AMZ1: variants seen among roughly 807,000 people sequenced by gnomAD.
AMZ1 encodes archaelysin family metallopeptidase 1, also known as archaemetzincin-1.
Under a neutral mutation model 29.9 loss-of-function variants are expected in AMZ1, and 39 were observed. The observed-to-expected ratio is 1.30, with a 90% CI of 1.01 to 1.70. The LOEUF (loss-of-function observed/expected upper bound fraction) is 1.70, where lower values mean the gene tolerates loss of function less well. Ranked by LOEUF, AMZ1 falls within the 40% of genes most tolerant of loss-of-function variation. AMZ1 has a pLI of 0.00. For missense variants in AMZ1, 1,041 were observed against 680.6 expected (o/e 1.53, Z -5.89); for synonymous variants, 458 against 304.0 (o/e 1.51, Z -5.27).
intron 4 of AMZ1, among the ~76,000 whole-genome samples, chr7:2,727,270 T>TG (rs1382819547): frequency 2.0e-5 from 3 of 152,074 alleles, no homozygotes; most frequent in Non-Finnish European, 2.9e-5. Flanking sequence ...TTAGTAGAGT[T>TG]GGGGTTTCAC....
rs1323780552 is a variant in AMZ1, at chr7:2,708,616, C to T, written c.501C>T (p.Asn167=). The T allele has an allele frequency of 1.2e-6, 2 of 1,612,938 alleles. No individual in the cohort carries two copies. Among genetic ancestry groups the T allele is most frequent in the Non-Finnish European group, 8.5e-7 (1 of 1,179,994 alleles). Residue 167 remains asparagine, a synonymous_variant, in exon 4 of 7, where the codon AAC becomes AAT. Coordinates refer to ENST00000683327, the MANE Select transcript of AMZ1 (RefSeq NM_001384743.1). The part of the protein sequence containing the change: ...TDGILSFLKN[N]KPGDALCVLG... Reference sequence around the variant, plus strand: ...GCATCCTGTCCTTCTTGAAGAACAACAAGCCAGGGGACGCGCTGTGTGTGC... The same window carrying T: ...GCATCCTGTCCTTCTTGAAGAACAATAAGCCAGGGGACGCGCTGTGTGTGC...
Position 2,712,944 on chromosome 7 carries a change from G to T in AMZ1, c.*66G>T, listed in dbSNP as rs535014761. 4.1e-6 allele frequency: 6 copies of T among 1,447,350 alleles called. No individual in the cohort carries two copies. The East Asian group carries it at 1.5e-4, about 36-fold the overall frequency. 89.7% of individuals were successfully genotyped at this position (1,447,350 alleles called of 1,614,324 possible). On this transcript the variant is annotated 3_prime_UTR_variant, in exon 7 of 7. Coordinates refer to ENST00000683327, the MANE Select transcript of AMZ1 (RefSeq NM_001384743.1). ...TGGCCAGCACTGTCCAGTAGCTGAG[G>T]CCACTACTGACCTGCCAGGGATAAA...
rs1342679203 is a variant in AMZ1, at chr7:2,718,200, G to A, written c.*5322G>A. Among the ~76,000 whole-genome samples, 1 of 152,186 alleles carries A rather than the reference G, an allele frequency of 6.6e-6. No individual in the cohort carries two copies. Among genetic ancestry groups the A allele is most frequent in the East Asian group, 1.9e-4 (1 of 5,178 alleles). On this transcript the variant is annotated 3_prime_UTR_variant, in exon 7 of 7. Transcript: ENST00000683327. ...GTCACATGGAAACTGAGCCCGGCAT[G>A]GAGTCACGTGGCTCCACCCTGGGGC...
chr7:2,696,460 T>A (rs181674896), intron 1 of AMZ1, among the ~76,000 whole-genome samples: 1 of 148,354 alleles, frequency 6.7e-6, no homozygotes, highest in Non-Finnish European at 1.5e-5. Context: ...GGTTTCACCA[T>A]GTTAGCCAGG....
chr7:2,723,939 C>G (rs1789524900), downstream of AMZ1, among the ~76,000 whole-genome samples: 1 of 152,150 alleles, frequency 6.6e-6, no homozygotes, highest in African/African-American at 2.4e-5. Flanking sequence ...GACAGTCTTG[C>G]TCAGTTGCCC....
At chr7:2,764,240 ATTTC>A (rs1043905176), upstream of AMZ1, among the ~76,000 whole-genome samples, 2 of 134,134 alleles carry the variant, frequency 1.5e-5, no homozygotes, top group African/African-American at 5.3e-5. Context: ...TCCCCAGCTA[ATTTC>A]TTTTTTTTTT....
chr7:2,682,735 CT>C (rs1786929417), intron 1 of AMZ1, among the ~76,000 whole-genome samples: 1 of 151,492 alleles, frequency 6.6e-6, no homozygotes, highest in East Asian at 1.9e-4. Context: ...CCCCCAGCCC[CT>C]GGCCCTCAGC....
At position 2,719,029 on chromosome 7, in the gene AMZ1, C is replaced by A. The variant is rs1354967878; in HGVS notation, c.*6151C>A. ...GCGACTTTTTTTTTTTTTTTTCCCC[C>A]CCATCTGAAGTGAGATCAAACTTCT... On this transcript the variant is annotated 3_prime_UTR_variant, in exon 7 of 7. Coordinates refer to ENST00000683327, the MANE Select transcript of AMZ1 (RefSeq NM_001384743.1). Among the ~76,000 whole-genome samples, 3 of 150,218 alleles carry A rather than the reference C, an allele frequency of 2.0e-5. No homozygotes were observed. The highest frequency in any genetic ancestry group is 7.3e-5 in the African/African-American group (3 of 40,994).
At position 2,702,870 on chromosome 7, in the gene AMZ1, C is replaced by G; in HGVS notation, c.453C>G (p.Asp151Glu). 5.0e-6 allele frequency: 8 copies of G among 1,587,638 alleles called. No homozygotes were observed. Among genetic ancestry groups the G allele is most frequent in the Non-Finnish European group, 5.1e-6 (6 of 1,173,212 alleles). ...CCTCGCGGCCCAGCCGGGACTCTGA[C>G]AGGCTCCAGCTCCACACAGGTGAGT... ...RCSSRPSRDS[D>E]RLQLHTDGIL... Residue 151 changes from aspartate (D) to glutamate (E), a missense_variant, in exon 3 of 7, where the codon GAC (aspartate) becomes GAG (glutamate). By Grantham distance (45) the Asp-to-Glu change is conservative (BLOSUM62 2). Coordinates refer to ENST00000683327, the MANE Select transcript of AMZ1 (RefSeq NM_001384743.1).
At chr7:2,686,054 C>T (rs920825177), upstream of AMZ1, among the ~76,000 whole-genome samples, 4 of 152,078 alleles carry the variant, frequency 2.6e-5, no homozygotes, top group Admixed American at 2.6e-4. Context: ...GAAACAAGAT[C>T]GTCTATCACA....
downstream of AMZ1, among the ~76,000 whole-genome samples, chr7:2,724,164 C>T (rs574520259): frequency 5.9e-5 from 9 of 152,162 alleles, no homozygotes; most frequent in Non-Finnish European, 1.2e-4. Flanking sequence ...CGTGATCCAC[C>T]CGCCTCAGCC....
chr7:2,683,306 G>A (rs1207861557), upstream of AMZ1, among the ~76,000 whole-genome samples: 1 of 152,184 alleles, frequency 6.6e-6, no homozygotes, highest in Non-Finnish European at 1.5e-5. Flanking sequence ...TCCAGGGGAA[G>A]GTCCTTCCTG....
intron 1 of AMZ1, among the ~76,000 whole-genome samples, chr7:2,690,208 TGA>T (rs140749105): frequency 4.6e-5 from 7 of 150,894 alleles, no homozygotes; most frequent in Admixed American, 1.3e-4. Flanking sequence ...TGTGTGTGTG[TGA>T]GAGAGAGAGA....
At chr7:2,685,495 T>C (rs1194182309), upstream of AMZ1, among the ~76,000 whole-genome samples, 3 of 151,460 alleles carry the variant, frequency 2.0e-5, no homozygotes, top group African/African-American at 7.3e-5. Flanking sequence ...GAAGTGGAGT[T>C]TGCAGTGAGC....
intron 4 of AMZ1, among the ~76,000 whole-genome samples, chr7:2,740,686 G>A (rs1018238445): frequency 2.6e-5 from 4 of 152,138 alleles, no homozygotes; most frequent in African/African-American, 9.7e-5. Flanking sequence ...AGTATCTGTT[G>A]GGCTCATTCT....
chr7:2,712,282 G>C, intron 6 of AMZ1, 48 bp from the exon 7 acceptor site: 1 of 1,499,760 alleles, frequency 6.7e-7, no homozygotes, highest in South Asian at 1.4e-5. Context: ...TCCCTGGCTA[G>C]ACAAGGGCTG....
chr7:2,764,269 G>C (rs1355045613), upstream of AMZ1, among the ~76,000 whole-genome samples: 4 of 144,384 alleles, frequency 2.8e-5, no homozygotes. Flanking sequence ...TTTTAATAAA[G>C]ATGGGATCTC....
At chr7:2,694,346 G>A (rs960325588) in intron 1 of AMZ1, among the ~76,000 whole-genome samples, 2 of 152,318 alleles carry the variant, frequency 1.3e-5, no homozygotes, top group South Asian at 2.1e-4. Context: ...TCAGGCCTTC[G>A]GACATGAGCT....
chr7:2,700,709 C>T lies in AMZ1; in HGVS notation c.258C>T (p.His86=). 6.2e-7 allele frequency: 1 copy of T among 1,613,178 alleles called. No homozygotes were observed. The highest frequency in any genetic ancestry group is 8.5e-7 in the Non-Finnish European group (1 of 1,180,036). ...AGACCTTCCACGCCTCCCTGCAGCA[C>T]CGGAAGCCCCGCCTGGCTCGGAAGC... is the stretch of plus-strand genomic sequence containing the variant. The part of the protein sequence containing the change: ...DFQTFHASLQ[H]RKPRLARKHI... The change falls in exon 2 of 7, where the codon CAC becomes CAT. Residue 86 remains histidine (H), a synonymous_variant. Coordinates refer to ENST00000683327, the MANE Select transcript of AMZ1 (RefSeq NM_001384743.1).
Sources: allele counts gnomAD v4.1 joint callset (sites outside exome capture counted in the v4.1 genomes callset), GRCh38; gene constraint gnomAD v4.1.1; transcripts MANE v1.5; gene names NCBI Gene and HGNC (gene_info 2026-07-23, HGNC 2026-07-21).